NTM: variants seen among roughly 807,000 people sequenced by gnomAD.
The protein encoded by NTM is neurotrimin.
Under a neutral mutation model 42.1 loss-of-function variants are expected in NTM, and 13 were observed. The ratio of observed to expected loss-of-function variants is 0.31; its 90% CI spans 0.20 to 0.49. The LOEUF (loss-of-function observed/expected upper bound fraction) is 0.49. Among genes scored for constraint, NTM ranks in the 20% least tolerant of loss-of-function variants. The pLI, the probability that NTM is intolerant of heterozygous loss-of-function variation, is 0.99. For missense variants in NTM, 373 were observed against 452.8 expected (o/e 0.82, Z 1.60); for synonymous variants, 187 against 179.2 (o/e 1.04, Z -0.35).
intron 3 of NTM, among the ~76,000 whole-genome samples, chr11:132,168,549 C>T (rs943627756): frequency 6.6e-6 from 1 of 152,208 alleles, no homozygotes; most frequent in Non-Finnish European, 1.5e-5. Flanking sequence ...CCAACTCAAC[C>T]TCCTCTGGGA....
At chr11:131,459,039 A>G (rs561348459) in intron 1 of NTM, among the ~76,000 whole-genome samples, 1 of 152,378 alleles carries the variant, frequency 6.6e-6, no homozygotes, top group East Asian at 1.9e-4. Context: ...CTTTGTACAT[A>G]AAGGCATCTG....
intron 2 of NTM, among the ~76,000 whole-genome samples, chr11:131,995,546 C>T (rs549113070): frequency 6.9e-4 from 105 of 152,182 alleles, no homozygotes; most frequent in African/African-American, 2.5e-3. Context: ...GGGAGCAGGG[C>T]ATGTGCCAAG....
intron 7 of NTM, among the ~76,000 whole-genome samples, chr11:132,316,949 A>C (rs1227383511): frequency 6.6e-6 from 1 of 152,250 alleles, no homozygotes. Flanking sequence ...TTTTGCGAAT[A>C]TACAAACTTC....
At chr11:131,944,613 T>C (rs2060154086) in intron 2 of NTM, among the ~76,000 whole-genome samples, 1 of 152,254 alleles carries the variant, frequency 6.6e-6, no homozygotes, top group Non-Finnish European at 1.5e-5. Context: ...CCCCTCCATC[T>C]GAATTGCAAC....
intron 1 of NTM, among the ~76,000 whole-genome samples, chr11:131,424,160 A>G (rs1377068769): frequency 6.6e-6 from 1 of 152,200 alleles, no homozygotes; most frequent in Admixed American, 6.5e-5. Context: ...GCCTTGCACC[A>G]TTACATCAAG....
At chr11:131,424,595 C>CTTTTTTTT (rs1446801058) in intron 1 of NTM, among the ~76,000 whole-genome samples, 8 of 39,616 alleles carry the variant, frequency 2.0e-4, no homozygotes, top group African/African-American at 8.6e-4. Flanking sequence ...TATTTCTTTT[C>CTTTTTTTT]TTTTCTTTTT....
At chr11:131,500,452 A>G (rs1035102897) in intron 1 of NTM, among the ~76,000 whole-genome samples, 1 of 151,104 alleles carries the variant, frequency 6.6e-6, no homozygotes, top group African/African-American at 2.4e-5. Context: ...TAGGTAAGTA[A>G]GTATGCTGAC....
At chr11:131,623,587 A>G (rs547697606) in intron 1 of NTM, among the ~76,000 whole-genome samples, 5 of 152,240 alleles carry the variant, frequency 3.3e-5, no homozygotes, top group Admixed American at 2.0e-4. Context: ...GCAAGACAGC[A>G]GTAACTAAAT....
intron 1 of NTM, among the ~76,000 whole-genome samples, chr11:131,858,258 A>G (rs2046298596): frequency 6.6e-6 from 1 of 151,936 alleles, no homozygotes; most frequent in Admixed American, 6.6e-5. Flanking sequence ...GGAAGCTTCT[A>G]TGAATAGGCC....
intron 1 of NTM, among the ~76,000 whole-genome samples, chr11:131,414,755 T>C (rs1294059529): frequency 1.3e-5 from 2 of 152,238 alleles, no homozygotes; most frequent in Non-Finnish European, 2.9e-5. Flanking sequence ...CAAATCAGCC[T>C]GCCTATTTCT....
chr11:132,268,056 C>T (rs1325256918), intron 4 of NTM, among the ~76,000 whole-genome samples: 1 of 152,046 alleles, frequency 6.6e-6, no homozygotes, highest in Non-Finnish European at 1.5e-5. Flanking sequence ...TTGTAGAATC[C>T]AAGCCCCTGG....
chr11:132,217,424 T>C (rs576217662), intron 4 of NTM, among the ~76,000 whole-genome samples: 2 of 151,722 alleles, frequency 1.3e-5, no homozygotes, highest in Non-Finnish European at 2.9e-5. Flanking sequence ...TGTGTGTGTG[T>C]GTTTCTCAGG....
At chr11:131,689,099 C>G (rs535811719) in intron 1 of NTM, among the ~76,000 whole-genome samples, 3 of 152,248 alleles carry the variant, frequency 2.0e-5, no homozygotes, top group East Asian at 1.9e-4. Context: ...CCGCAGCCCC[C>G]GAGGAAGGAA....
intron 2 of NTM, among the ~76,000 whole-genome samples, chr11:132,055,491 C>A (rs2079495394): frequency 6.6e-6 from 1 of 152,180 alleles, no homozygotes; most frequent in African/African-American, 2.4e-5. Flanking sequence ...GGAAAAACAG[C>A]TTTTTGGCAC....
chr11:131,403,839 C>A (rs1299512925), intron 1 of NTM, among the ~76,000 whole-genome samples: 6 of 152,146 alleles, frequency 3.9e-5, no homozygotes, highest in Non-Finnish European at 8.8e-5. Flanking sequence ...ATTTGTAGGG[C>A]CCGAAATTCA....
rs1277036774 is a variant in NTM at position 131,598,735 on chromosome 11, C to T, written c.82+227847C>T. ...TCTTTCTTTCTTTCTTTCTTTCTTT[C>T]TTTCTTTCTTTCTTTCTTTCTTCTT... On this transcript the variant is annotated intron_variant, in intron 1 of 8. Transcript: ENST00000683400. 6.6e-4 allele frequency among the ~76,000 whole-genome samples: 60 copies of T among 91,514 alleles called. 1 individual carries two copies. The highest frequency in any genetic ancestry group is 2.1e-3 in the African/African-American group (55 of 26,116). 60.0% of individuals were successfully genotyped at this position (91,514 alleles called of 152,430 possible). A position where few individuals can be genotyped will look rare whatever the true frequency, so the allele number is the denominator to read the frequency against.
At chr11:131,600,997 T>C (rs985615611) in intron 1 of NTM, among the ~76,000 whole-genome samples, 1 of 152,232 alleles carries the variant, frequency 6.6e-6, no homozygotes, top group African/African-American at 2.4e-5. Flanking sequence ...TTGAAGATCA[T>C]ATGCCCAGTA....
At chr11:131,931,958 C>G (rs890330508) in intron 2 of NTM, among the ~76,000 whole-genome samples, 3 of 152,198 alleles carry the variant, frequency 2.0e-5, no homozygotes, top group Non-Finnish European at 4.4e-5. Context: ...GTGGCCTTCA[C>G]GAGTCTTTCC....
At chr11:131,598,825 TCTTCTTTCTTTC>T (rs2060146482) in intron 1 of NTM, among the ~76,000 whole-genome samples, 1 of 49,086 alleles carries the variant, frequency 2.0e-5, no homozygotes, top group African/African-American at 7.0e-5. Context: ...TTTCTTTCTT[TCTTCTTTCTTTC>T]TTTCTTTCTT....
Sources: gnomAD v4.1 joint callset for allele counts (sites outside exome capture counted in the v4.1 genomes callset) on GRCh38, gnomAD v4.1.1 for gene constraint, MANE v1.5 for transcripts, NCBI Gene and HGNC (gene_info 2026-07-23, HGNC 2026-07-21) for gene names.